Variants in CCDC102B observed in about 807,000 individuals in gnomAD.
The protein encoded by CCDC102B is coiled-coil domain-containing protein 102B.
Under a neutral mutation model 57.4 loss-of-function variants are expected in CCDC102B, and 75 were observed. The observed-to-expected ratio is 1.31, with a 90% CI of 1.08 to 1.58. The LOEUF (loss-of-function observed/expected upper bound fraction) is 1.58. Ranked by LOEUF, CCDC102B falls within the 40% of genes most tolerant of loss-of-function variation. The pLI, the probability that CCDC102B is intolerant of heterozygous loss-of-function variation, is 0.00. For missense variants in CCDC102B, 636 were observed against 582.6 expected (o/e 1.09, Z -0.94); for synonymous variants, 206 against 201.9 (o/e 1.02, Z -0.17).
At chr18:68,774,213 A>G (rs866759349) in intron 2 of CCDC102B, among the ~76,000 whole-genome samples, 2 of 151,898 alleles carry the variant, frequency 1.3e-5, no homozygotes, top group African/African-American at 4.8e-5. Flanking sequence ...TGTCTTTGAT[A>G]CTGGATTTGT....
upstream of CCDC102B, among the ~76,000 whole-genome samples, chr18:68,794,745 G>A (rs375435235): frequency 3.2e-4 from 48 of 152,112 alleles, no homozygotes; most frequent in African/African-American, 1.1e-3. Flanking sequence ...TGTGCACAGG[G>A]GTATTATAAC....
chr18:68,885,696 C>A (rs1436320319), intron 5 of CCDC102B, among the ~76,000 whole-genome samples: 1 of 151,796 alleles, frequency 6.6e-6, no homozygotes, highest in Non-Finnish European at 1.5e-5. Context: ...TAAGACATAC[C>A]AAATCTCCAA....
At chr18:68,724,201 G>A (rs917492168) in intron 2 of CCDC102B, among the ~76,000 whole-genome samples, 2 of 152,176 alleles carry the variant, frequency 1.3e-5, no homozygotes, top group Non-Finnish European at 2.9e-5. Flanking sequence ...TAGAGCTGGC[G>A]GGCCCTAAGC....
chr18:68,727,546 CTCAATGTAT>C (rs1475669922), intron 2 of CCDC102B, among the ~76,000 whole-genome samples: 2 of 152,230 alleles, frequency 1.3e-5, no homozygotes. Context: ...TGCAGTGGGA[CTCAATGTAT>C]TCATGAGCAA....
chr18:68,958,386 A>G (rs1478411361), intron 6 of CCDC102B, among the ~76,000 whole-genome samples: 1 of 152,190 alleles, frequency 6.6e-6, no homozygotes, highest in Non-Finnish European at 1.5e-5. Context: ...ATTTATTTGC[A>G]TATGTTGCAC....
At position 68,798,755 on chromosome 18, in the gene CCDC102B, GA is replaced by G. The variant is rs1289108778; in HGVS notation, c.-16+576del. Reference sequence around the variant, plus strand: ...ATAGTGTGGAGGAGACAGGGATACAGAATAAAATAATAAAATCCTGTGCATA... The same window carrying G: ...ATAGTGTGGAGGAGACAGGGATACAGATAAAATAATAAAATCCTGTGCATA... On this transcript the variant is annotated intron_variant, in intron 1 of 7. Coordinates refer to ENST00000360242, the MANE Select transcript of CCDC102B (RefSeq NM_024781.3). Among the ~76,000 whole-genome samples the G allele has an allele frequency of 6.6e-5, 10 of 151,860 alleles. 1 individual carries two copies. The highest frequency in any genetic ancestry group is 1.5e-4 in the Non-Finnish European group (10 of 67,936).
chr18:68,975,858 A>T (rs1229246873), intron 6 of CCDC102B, among the ~76,000 whole-genome samples: 3 of 151,846 alleles, frequency 2.0e-5, no homozygotes, highest in Non-Finnish European at 4.4e-5. Flanking sequence ...TTTAAAAAAA[A>T]AAAAAAGCGT....
intron 2 of CCDC102B, among the ~76,000 whole-genome samples, chr18:68,785,440 A>G (rs1209350934): frequency 6.6e-6 from 1 of 152,092 alleles, no homozygotes; most frequent in Non-Finnish European, 1.5e-5. Flanking sequence ...TTACAGTCCT[A>G]CCAACAGTGT....
chr18:68,795,661 A>T (rs1188100984), upstream of CCDC102B, among the ~76,000 whole-genome samples: 1 of 152,146 alleles, frequency 6.6e-6, no homozygotes, highest in African/African-American at 2.4e-5. Flanking sequence ...TCTTATGAGG[A>T]TACAAGTCCT....
chr18:68,812,676 A>G (rs538487352), intron 1 of CCDC102B, among the ~76,000 whole-genome samples: 1 of 152,252 alleles, frequency 6.6e-6, no homozygotes, highest in Admixed American at 6.5e-5. Context: ...ACAAATCATG[A>G]CCCTAGTTAG....
intron 6 of CCDC102B, among the ~76,000 whole-genome samples, chr18:68,944,843 C>G (rs1568345112): frequency 1.3e-5 from 2 of 152,028 alleles, no homozygotes; most frequent in Non-Finnish European, 2.9e-5. Context: ...GTGCTAACTA[C>G]CTCATCAAGA....
At chr18:68,814,756 A>G (rs1172650891) in intron 1 of CCDC102B, among the ~76,000 whole-genome samples, 2 of 152,076 alleles carry the variant, frequency 1.3e-5, no homozygotes, top group African/African-American at 4.8e-5. Flanking sequence ...AAGTGTTTTA[A>G]GTACAAATAA....
At chr18:68,873,731 T>G (rs1419560021) in intron 4 of CCDC102B, among the ~76,000 whole-genome samples, 2 of 152,090 alleles carry the variant, frequency 1.3e-5, no homozygotes, top group African/African-American at 4.8e-5. Flanking sequence ...CTTTTGTATT[T>G]TTAAACAGAT....
chr18:68,809,531 T>A (rs1367590801), intron 1 of CCDC102B, among the ~76,000 whole-genome samples: 1 of 152,184 alleles, frequency 6.6e-6, no homozygotes, highest in Non-Finnish European at 1.5e-5. Flanking sequence ...ATTAAAAATG[T>A]TAACATCTAA....
At chr18:69,013,554 A>G (rs1365077141) in intron 7 of CCDC102B, among the ~76,000 whole-genome samples, 4 of 152,214 alleles carry the variant, frequency 2.6e-5, no homozygotes, top group African/African-American at 4.8e-5. Context: ...TTTGTAAAAT[A>G]AAAAGTAGGT....
intron 1 of CCDC102B, among the ~76,000 whole-genome samples, chr18:68,832,214 G>C (rs1599532826): frequency 6.6e-6 from 1 of 152,124 alleles, no homozygotes; most frequent in Non-Finnish European, 1.5e-5. Context: ...TCCTGCCATG[G>C]AAGTTTAACT....
chr18:68,878,502 T>C (rs2039541184), intron 5 of CCDC102B, among the ~76,000 whole-genome samples: 2 of 152,122 alleles, frequency 1.3e-5, no homozygotes, highest in South Asian at 4.1e-4. Context: ...ACTTCCAAGG[T>C]GAAATCAACT....
intron 6 of CCDC102B, 185 bp downstream of exon 6, chr18:68,897,613 G>T (rs1405487492): frequency 6.5e-7 from 1 of 1,544,718 alleles, no homozygotes; most frequent in Admixed American, 1.8e-5. Context: ...GAAACAAAGT[G>T]TGTCAAATGT....
At chr18:68,958,751 C>A (rs1279482501) in intron 6 of CCDC102B, among the ~76,000 whole-genome samples, 1 of 151,914 alleles carries the variant, frequency 6.6e-6, no homozygotes, top group African/African-American at 2.4e-5. Flanking sequence ...CTCATTAGTT[C>A]TTTCTTCTGT....
Sources: gnomAD v4.1 joint callset for allele counts (sites outside exome capture counted in the v4.1 genomes callset) on GRCh38, gnomAD v4.1.1 for gene constraint, MANE v1.5 for transcripts, NCBI Gene and HGNC (gene_info 2026-07-23, HGNC 2026-07-21) for gene names.